Variants in SLC18A2 observed in about 807,000 individuals in gnomAD.
SLC18A2 encodes the protein solute carrier family 18 member A2, also known as synaptic vesicular amine transporter.
Under a neutral mutation model 59.2 loss-of-function variants are expected in SLC18A2, and 33 were observed. The ratio of observed to expected loss-of-function variants is 0.56; its 90% confidence interval spans 0.42 to 0.75. SLC18A2 has a LOEUF of 0.75. Ranked by LOEUF, SLC18A2 falls within the 30% of genes least tolerant of loss-of-function variation. The pLI is 0.00. For synonymous variants in SLC18A2, 228 were observed against 253.5 expected, an observed-to-expected ratio of 0.90 and a Z score of 0.95; for missense variants, 569 against 668.6, an observed-to-expected ratio of 0.85 and a Z score of 1.64.
chr10:117,258,842 C>G (rs113329406), intron 10 of SLC18A2, among the ~76,000 whole-genome samples: 1,981 of 150,298 alleles, frequency 0.013, 41 homozygotes, highest in African/African-American at 0.046. Flanking sequence ...TCTCCACTCA[C>G]TGCAACCTCT....
chr10:117,272,287 C>T (rs1265729668), intron 15 of SLC18A2, among the ~76,000 whole-genome samples: 1 of 152,112 alleles, frequency 6.6e-6, no homozygotes. Context: ...TCCCTTTTTC[C>T]TCCTCTGTGA....
intron 2 of SLC18A2, among the ~76,000 whole-genome samples, chr10:117,242,531 G>C (rs1844067395): frequency 6.6e-6 from 1 of 152,048 alleles, no homozygotes; most frequent in East Asian, 1.9e-4. Flanking sequence ...CTCTCCATTT[G>C]CAGGTTTTCT....
intron 3 of SLC18A2, among the ~76,000 whole-genome samples, chr10:117,245,143 G>A (rs909505235): frequency 6.6e-6 from 1 of 152,176 alleles, no homozygotes; most frequent in African/African-American, 2.4e-5. Context: ...GGCCCCCAAG[G>A]TGTCAGTGCA....
intron 3 of SLC18A2, among the ~76,000 whole-genome samples, chr10:117,247,768 G>T (rs866441975): frequency 3.3e-5 from 5 of 152,282 alleles, no homozygotes; most frequent in Middle Eastern, 3.4e-3. Context: ...CATCCCTAAA[G>T]ATGTGTGGGG....
Position 117,277,784 on chromosome 10 carries a change from G to A in SLC18A2, c.*518G>A, listed in dbSNP as rs566003542. The stretch of plus-strand genomic sequence containing the variant: ...GTAGTTACTATCAATATATTTATGC[G>A]TTAAACAGCTAGTTCTCTCAAGTGT... On this transcript the variant is annotated 3_prime_UTR_variant, in exon 16 of 16. Coordinates refer to ENST00000644641, the MANE Select transcript of SLC18A2 (RefSeq NM_003054.6). The A allele has an allele frequency of 5.9e-5, 9 of 152,282 alleles. No homozygotes were observed. Among genetic ancestry groups the A allele is most frequent in the Admixed American group, 2.6e-4 (4 of 15,292 alleles). 9.4% of individuals were successfully genotyped at this position (152,282 alleles called of 1,614,324 possible). A position where few individuals can be genotyped will look rare whatever the true frequency, so the allele number is the denominator to read the frequency against.
rs137953572 is a variant in SLC18A2, at chr10:117,270,107, A to G, written c.1223A>G (p.Tyr408Cys). The G allele has an allele frequency of 4.3e-5, 69 of 1,614,192 alleles. No individual in the cohort carries two copies. The highest frequency in any genetic ancestry group is 5.7e-5 in the Non-Finnish European group (67 of 1,180,040). The change falls in exon 14 of 16, where the codon TAC becomes TGC. Residue 408 changes from tyrosine to cysteine, a missense_variant. Transcript: ENST00000644641. ...TCGTCAATGATGCCTATCATGGGCT[A>G]CCTCGTAGACCTGCGGCACGTGTCC... ...VDSSMMPIMG[Y>C]LVDLRHVSVY...
At chr10:117,274,914 T>C (rs1158391731) in intron 15 of SLC18A2, among the ~76,000 whole-genome samples, 3 of 152,168 alleles carry the variant, frequency 2.0e-5, no homozygotes, top group Non-Finnish European at 4.4e-5. Flanking sequence ...GTCAGCCAGA[T>C]GACAGTGCTG....
intron 15 of SLC18A2, among the ~76,000 whole-genome samples, chr10:117,273,503 G>C (rs948978980): frequency 2.0e-5 from 3 of 152,258 alleles, no homozygotes; most frequent in African/African-American, 7.2e-5. Flanking sequence ...TCTTTTCCTG[G>C]ATGGCTCTGA....
intron 13 of SLC18A2, 53 bp downstream of exon 13, chr10:117,267,789 G>GAAGAACCCTTCCTAGT: frequency 3.6e-6 from 5 of 1,398,438 alleles, no homozygotes; most frequent in Non-Finnish European, 4.0e-6. Context: ...CCACTAGGAA[G>GAAGAACCCTTCCTAGT]GGTTCTTCTT....
intron 1 of SLC18A2, among the ~76,000 whole-genome samples, 177 bp downstream of exon 1, chr10:117,241,397 GA>G (rs1418963831): frequency 1.3e-5 from 2 of 151,978 alleles, no homozygotes; most frequent in African/African-American, 4.8e-5. Context: ...TGCAGTTTGG[GA>G]GGTGGCACAG....
Position 117,270,590 on chromosome 10 carries a change from C to T in SLC18A2, c.1440+127C>T, listed in dbSNP as rs765078193. On this transcript the variant is annotated intron_variant, in intron 15 of 15. Transcript: ENST00000644641. ...GGTGAGAATTCCTTTTTAGTTTGTACCACATAGAGCAGTTACTTCTTTTAT... is the reference window on the plus strand; with the variant it reads ...GGTGAGAATTCCTTTTTAGTTTGTATCACATAGAGCAGTTACTTCTTTTAT... 2.7e-4 allele frequency: 266 copies of T among 1,002,796 alleles called. 1 individual carries two copies. The Middle Eastern group carries it at 5.1e-3, about 19-fold the overall frequency. The allele number at this position is 1,002,796 out of a possible 1,614,324, so 62.1% of individuals were successfully genotyped here.
intron 1 of SLC18A2, 135 bp from the exon 2 acceptor site, chr10:117,241,544 C>T: frequency 3.0e-6 from 3 of 985,102 alleles, no homozygotes; most frequent in Non-Finnish European, 4.1e-6. Context: ...GCAGGTGAGC[C>T]GAGGCTGGGG....
chr10:117,268,931 AACACACATGC>A (rs1844383389), intron 13 of SLC18A2, among the ~76,000 whole-genome samples: 1 of 151,750 alleles, frequency 6.6e-6, no homozygotes, highest in Non-Finnish European at 1.5e-5. Flanking sequence ...AAGAAGCTAA[AACACACATGC>A]ACACACATAC....
chr10:117,277,153 C>T lies in SLC18A2; in HGVS notation c.1441-9C>T. On this transcript the variant is annotated splice_polypyrimidine_tract_variant and intron_variant, in intron 15 of 15. Coordinates refer to ENST00000644641, the MANE Select transcript of SLC18A2 (RefSeq NM_003054.6). ...GAAGTTAATATACTTGCACTTTGCTCTCTTTTAGGCTATTCTCATGGATCA... is the reference window on the plus strand; with the variant it reads ...GAAGTTAATATACTTGCACTTTGCTTTCTTTTAGGCTATTCTCATGGATCA... The T allele has an allele frequency of 6.7e-7, 1 of 1,490,574 alleles. No homozygotes were observed. Among genetic ancestry groups the T allele is most frequent in the Non-Finnish European group, 9.3e-7 (1 of 1,079,384 alleles). 92.3% of individuals were successfully genotyped at this position (1,490,574 alleles called of 1,614,324 possible). A position where few individuals can be genotyped will look rare whatever the true frequency, so the allele number is the denominator to read the frequency against.
intron 6 of SLC18A2, 92 bp from the exon 7 acceptor site, chr10:117,255,185 A>T: frequency 8.2e-7 from 1 of 1,216,050 alleles, no homozygotes; most frequent in Non-Finnish European, 1.2e-6. Context: ...GGAACAAAGT[A>T]GAGAGAGAAA....
At chr10:117,265,248 C>G (rs1844336059) in intron 10 of SLC18A2, among the ~76,000 whole-genome samples, 1 of 152,208 alleles carries the variant, frequency 6.6e-6, no homozygotes, top group African/African-American at 2.4e-5. Flanking sequence ...GAAGTCCCTG[C>G]TGTGTTGGAA....
intron 13 of SLC18A2, 83 bp downstream of exon 13, chr10:117,267,819 C>A: frequency 9.3e-7 from 1 of 1,071,328 alleles, no homozygotes; most frequent in South Asian, 1.7e-5. Context: ...GACTGTAGTT[C>A]CTCAACCTAA....
chr10:117,275,588 C>T (rs1037946544), intron 15 of SLC18A2, among the ~76,000 whole-genome samples: 3 of 152,208 alleles, frequency 2.0e-5, no homozygotes, highest in Non-Finnish European at 4.4e-5. Context: ...GCAGGCGGCT[C>T]CTGTCTGCCC....
In SLC18A2 at chr10:117,244,085, TCTC is replaced by T; in HGVS notation, c.239_241del (p.Ser80del). ...ATCTCAGACAGCTTCCAGAGCATCTTCTCCTATTATGATAACTCGACTATGGTC... is the reference window on the plus strand; with the variant it reads ...ATCTCAGACAGCTTCCAGAGCATCTTCTATTATGATAACTCGACTATGGTC... On this transcript the variant is annotated inframe_deletion, in exon 3 of 16. Transcript: ENST00000644641. 1.9e-6 allele frequency: 3 copies of T among 1,614,060 alleles called. No individual in the cohort carries two copies. Among genetic ancestry groups the T allele is most frequent in the Non-Finnish European group, 2.5e-6 (3 of 1,180,016 alleles).
Sources: allele counts gnomAD v4.1 joint callset (sites outside exome capture counted in the v4.1 genomes callset), GRCh38; gene constraint gnomAD v4.1.1; transcripts MANE v1.5; gene names NCBI Gene and HGNC (gene_info 2026-07-23, HGNC 2026-07-21).